The following STK3 variants were observed in gnomAD, a reference collection of about 807,000 sequenced individuals.
STK3 encodes the protein serine/threonine kinase 3, also known as serine/threonine-protein kinase 3.
A neutral mutation model predicts 58.0 loss-of-function variants in STK3; 41 were observed. The ratio of observed to expected loss-of-function variants is 0.71; its 90% CI spans 0.55 to 0.92. The LOEUF (loss-of-function observed/expected upper bound fraction) is 0.92, where lower values mean the gene tolerates loss of function less well. Ranked by LOEUF, STK3 falls within the 40% of genes least tolerant of loss-of-function variation. The pLI is 0.00. For synonymous variants in STK3, 170 were observed against 191.0 expected (o/e 0.89, Z 0.91); for missense variants, 479 against 602.7 (o/e 0.79, Z 2.15).
intron 6 of STK3, among the ~76,000 whole-genome samples, chr8:98,698,243 G>A (rs1453024159): frequency 1.3e-5 from 2 of 150,778 alleles, no homozygotes; most frequent in African/African-American, 4.9e-5. Flanking sequence ...CTTTTATTTT[G>A]AGCCTATGTG....
intron 1 of STK3, among the ~76,000 whole-genome samples, chr8:98,792,641 C>T (rs1015645074): frequency 2.6e-5 from 4 of 152,124 alleles, no homozygotes; most frequent in African/African-American, 4.8e-5. Flanking sequence ...GTGGATGTTG[C>T]GGTGAGCTGA....
intron 6 of STK3, among the ~76,000 whole-genome samples, chr8:98,643,892 C>T (rs1439835652): frequency 6.6e-6 from 1 of 152,018 alleles, no homozygotes; most frequent in Non-Finnish European, 1.5e-5. Context: ...ACCTGTAGTC[C>T]CAGCTACTCA....
intron 1 of STK3, among the ~76,000 whole-genome samples, chr8:98,788,875 A>G (rs1045609280): frequency 1.3e-5 from 2 of 152,226 alleles, no homozygotes; most frequent in African/African-American, 4.8e-5. Context: ...GTCAACAAAG[A>G]AACAATGGAT....
chr8:98,728,959 T>C (rs1418049352), intron 4 of STK3, among the ~76,000 whole-genome samples: 2 of 152,154 alleles, frequency 1.3e-5, no homozygotes, highest in Non-Finnish European at 2.9e-5. Flanking sequence ...GCAGAACATA[T>C]ACATATTTTT....
At chr8:98,675,970 T>C (rs1242658906) in intron 6 of STK3, among the ~76,000 whole-genome samples, 1 of 152,122 alleles carries the variant, frequency 6.6e-6, no homozygotes, top group Non-Finnish European at 1.5e-5. Context: ...TTTCCATCAA[T>C]AGATGCACAG....
At chr8:98,529,964 A>C (rs73275840) in intron 9 of STK3, among the ~76,000 whole-genome samples, 2,700 of 152,250 alleles carry the variant, frequency 0.018, 82 homozygotes, top group African/African-American at 0.062. Context: ...TGATGGCTGC[A>C]CAACTTTATG....
the STK3 span, among the ~76,000 whole-genome samples, chr8:98,351,358 G>A: frequency 1.3e-5 from 2 of 152,082 alleles, no homozygotes; most frequent in South Asian, 2.1e-4. Flanking sequence ...TTTTAAGTGG[G>A]GTGGATCGAG....
chr8:98,923,861 G>A (rs1452196942), intron 1 of STK3, among the ~76,000 whole-genome samples: 12 of 78,874 alleles, frequency 1.5e-4, no homozygotes, highest in Admixed American at 7.8e-4. Context: ...GTGTGCGCGC[G>A]CGCGCGCGCG....
intron 3 of STK3, among the ~76,000 whole-genome samples, chr8:98,407,757 T>TGTGTGTGTGTGC (rs869119517): frequency 1.5e-5 from 2 of 131,496 alleles, no homozygotes; most frequent in African/African-American, 6.1e-5. Context: ...TGTGTGTGTG[T>TGTGTGTGTGTGC]GCGCGCGCGC....
intron 1 of STK3, among the ~76,000 whole-genome samples, chr8:98,897,889 C>T (rs1201577508): frequency 6.6e-6 from 1 of 152,208 alleles, no homozygotes; most frequent in African/African-American, 2.4e-5. Flanking sequence ...ATGATCACCA[C>T]ACCATATCAA....
chr8:98,387,867 A>G (rs1252826276), intron 1 of STK3, among the ~76,000 whole-genome samples: 1 of 143,974 alleles, frequency 6.9e-6, no homozygotes, highest in Non-Finnish European at 1.5e-5. Context: ...CTCTTTGTAA[A>G]ATGCCCTTTT....
chr8:98,376,521 T>C (rs1003461357), intron 2 of STK3, among the ~76,000 whole-genome samples: 14 of 152,196 alleles, frequency 9.2e-5, no homozygotes, highest in African/African-American at 3.4e-4. Flanking sequence ...TTTTTTCCTA[T>C]GTTTCCTTCT....
rs191332335 is a variant in STK3, at chr8:98,605,766, G to A, written c.685-9597C>T. On this transcript the variant is annotated intron_variant, in intron 6 of 10. Transcript: ENST00000419617. ...TCAAATTGTAATCCCCAATGTTAGC[G>A]GTGGGGCCTGATGGGAGGTGATTGG... 1.6e-4 allele frequency among the ~76,000 whole-genome samples: 24 copies of A among 152,204 alleles called. No homozygotes were observed. In the East Asian group the frequency reaches 1.9e-3, roughly 12 times the overall value.
chr8:98,936,673 C>T (rs1237995529), intron 1 of STK3, among the ~76,000 whole-genome samples: 1 of 152,220 alleles, frequency 6.6e-6, no homozygotes, highest in East Asian at 1.9e-4. Context: ...TCTCCACACT[C>T]TCCTGGGCCT....
At chr8:98,757,775 G>A (rs1002213932) in intron 3 of STK3, among the ~76,000 whole-genome samples, 3 of 151,892 alleles carry the variant, frequency 2.0e-5, no homozygotes, top group Non-Finnish European at 4.4e-5. Context: ...GCAGAAGCTA[G>A]GGAGAAAAAT....
intron 10 of STK3, among the ~76,000 whole-genome samples, chr8:98,494,346 C>T (rs1466670210): frequency 4.6e-5 from 7 of 152,198 alleles, no homozygotes; most frequent in Non-Finnish European, 4.4e-5. Flanking sequence ...ACTTCTCTAA[C>T]AGCATCCCTT....
chr8:98,442,825 A>C (rs556599064), intron 1 of STK3, among the ~76,000 whole-genome samples: 1 of 152,254 alleles, frequency 6.6e-6, no homozygotes, highest in East Asian at 1.9e-4. Flanking sequence ...CAACACCTCA[A>C]CTGAGGATTG....
chr8:98,742,351 A>T (rs1183942045), intron 4 of STK3, among the ~76,000 whole-genome samples: 35 of 144,282 alleles, frequency 2.4e-4, no homozygotes, highest in African/African-American at 8.4e-4. Context: ...TGGCAAAACG[A>T]ATCCAGCAGC....
chr8:98,820,842 G>A (rs12546905), intron 1 of STK3, among the ~76,000 whole-genome samples: 10,918 of 152,174 alleles, frequency 0.072, 553 homozygotes, highest in Non-Finnish European at 0.1. Context: ...ACCTGGTGTG[G>A]TGGCAGGCGC....
Sources: allele counts gnomAD v4.1 joint callset (sites outside exome capture counted in the v4.1 genomes callset), GRCh38; gene constraint gnomAD v4.1.1; transcripts MANE v1.5; gene names NCBI Gene and HGNC (gene_info 2026-07-23, HGNC 2026-07-21).